The following RORA variants were observed in gnomAD, a reference collection of about 807,000 sequenced individuals.
RORA encodes nuclear receptor ROR-alpha.
A neutral mutation model predicts 69.5 loss-of-function variants in RORA; 7 were observed. The ratio of observed to expected loss-of-function variants is 0.10; its 90% CI spans 0.06 to 0.19. The LOEUF is 0.19. Ranked by LOEUF, RORA falls within the 10% of genes least tolerant of loss-of-function variation. RORA has a pLI of 1.00. For missense variants in RORA, 457 were observed against 663.0 expected (o/e 0.69, Z 3.41); for synonymous variants, 261 against 240.8 (o/e 1.08, Z -0.78).
intron 1 of RORA, among the ~76,000 whole-genome samples, chr15:60,753,426 G>C (rs1414414512): frequency 2.0e-5 from 3 of 152,228 alleles, no homozygotes; most frequent in Non-Finnish European, 4.4e-5. Context: ...GACGTGGTCA[G>C]CCCTAGGAGC....
chr15:60,562,226 C>A (rs542564509), intron 2 of RORA, among the ~76,000 whole-genome samples: 1 of 151,590 alleles, frequency 6.6e-6, no homozygotes, highest in Non-Finnish European at 1.5e-5. Context: ...TGAGCCACTG[C>A]GCCCTGCCAG....
intron 1 of RORA, among the ~76,000 whole-genome samples, chr15:60,951,632 C>G (rs1162855135): frequency 6.6e-6 from 1 of 151,320 alleles, no homozygotes; most frequent in African/African-American, 2.4e-5. Context: ...CACACAAATA[C>G]AAACTACCAT....
chr15:60,549,741 AC>A (rs1230059457), intron 2 of RORA, among the ~76,000 whole-genome samples: 3 of 151,862 alleles, frequency 2.0e-5, no homozygotes, highest in South Asian at 2.1e-4. Flanking sequence ...GTCACTCTCC[AC>A]CCCCTCCCAT....
intron 1 of RORA, among the ~76,000 whole-genome samples, chr15:60,788,869 T>A (rs961817216): frequency 1.3e-5 from 2 of 152,256 alleles, no homozygotes; most frequent in Non-Finnish European, 2.9e-5. Flanking sequence ...CGTCACTGTA[T>A]CTGCAGTCAG....
intron 1 of RORA, among the ~76,000 whole-genome samples, chr15:60,742,733 G>A (rs1380494093): frequency 6.6e-6 from 1 of 152,146 alleles, no homozygotes; most frequent in Non-Finnish European, 1.5e-5. Context: ...TGTAGTATTT[G>A]TCTTTCTGTG....
chr15:60,850,988 C>T (rs188015566), intron 1 of RORA, among the ~76,000 whole-genome samples: 142 of 152,234 alleles, frequency 9.3e-4, no homozygotes, highest in Middle Eastern at 3.4e-3. Flanking sequence ...CACAAAGCAC[C>T]GGAGCACATT....
At chr15:60,563,978 C>T (rs2067647854) in intron 2 of RORA, among the ~76,000 whole-genome samples, 1 of 152,172 alleles carries the variant, frequency 6.6e-6, no homozygotes, top group South Asian at 2.1e-4. Flanking sequence ...CTCTATTGTA[C>T]AGCCTTTCAT....
At chr15:61,075,765 C>A (rs2078439775) in intron 1 of RORA, among the ~76,000 whole-genome samples, 2 of 152,168 alleles carry the variant, frequency 1.3e-5, no homozygotes, top group African/African-American at 4.8e-5. Flanking sequence ...TCGCGTTATA[C>A]CACAGCTGCT....
intron 5 of RORA, among the ~76,000 whole-genome samples, chr15:60,507,638 G>A (rs1314147235): frequency 6.6e-6 from 1 of 152,122 alleles, no homozygotes; most frequent in Non-Finnish European, 1.5e-5. Flanking sequence ...CAAAAATAAT[G>A]GGGAGTAAGA....
intron 1 of RORA, among the ~76,000 whole-genome samples, chr15:60,929,589 G>A (rs913558408): frequency 1.5e-4 from 23 of 152,210 alleles, no homozygotes; most frequent in Non-Finnish European, 2.6e-4. Context: ...GCACTTAGCT[G>A]TCAGTCTGGA....
chr15:61,107,995 G>A (rs567670842), intron 1 of RORA, among the ~76,000 whole-genome samples: 2 of 152,178 alleles, frequency 1.3e-5, no homozygotes, highest in East Asian at 3.9e-4. Context: ...GGACTTCTCC[G>A]GATTTTAAAA....
intron 1 of RORA, among the ~76,000 whole-genome samples, chr15:60,965,422 T>C (rs978792050): frequency 6.6e-6 from 1 of 152,174 alleles, no homozygotes; most frequent in Non-Finnish European, 1.5e-5. Flanking sequence ...CAAATCCAAA[T>C]GTAGAATTAG....
intron 1 of RORA, among the ~76,000 whole-genome samples, chr15:61,140,939 C>T (rs922721257): frequency 6.6e-6 from 1 of 152,106 alleles, no homozygotes; most frequent in Non-Finnish European, 1.5e-5. Flanking sequence ...CTGTTGAAAA[C>T]CTTGACAAGC....
chr15:61,065,988 A>G (rs2078252038), intron 1 of RORA, among the ~76,000 whole-genome samples: 4 of 152,216 alleles, frequency 2.6e-5, no homozygotes. Flanking sequence ...AAAGCCAACA[A>G]CTGAATCCCA....
intron 1 of RORA, among the ~76,000 whole-genome samples, chr15:60,706,536 A>T (rs1366537488): frequency 6.6e-6 from 1 of 152,178 alleles, no homozygotes; most frequent in Non-Finnish European, 1.5e-5. Context: ...GAGATACACT[A>T]CAAGTCTACA....
At chr15:60,859,957 T>G (rs965942443) in intron 1 of RORA, among the ~76,000 whole-genome samples, 1 of 152,082 alleles carries the variant, frequency 6.6e-6, no homozygotes, top group Non-Finnish European at 1.5e-5. Context: ...GTGGCCTCTT[T>G]CCATGCACCT....
chr15:60,566,580 T>G (rs905349429), intron 2 of RORA, among the ~76,000 whole-genome samples: 1 of 152,208 alleles, frequency 6.6e-6, no homozygotes, highest in Admixed American at 6.5e-5. Context: ...CTCCAAGTCT[T>G]ACACATTACT....
At chr15:60,508,315 C>T (rs1021070813) in intron 5 of RORA, among the ~76,000 whole-genome samples, 8 of 152,112 alleles carry the variant, frequency 5.3e-5, no homozygotes, top group African/African-American at 1.7e-4. Context: ...GCCAGCGCCT[C>T]GATACTTCAG....
At chr15:61,193,557 T>C (rs577682265) in intron 1 of RORA, among the ~76,000 whole-genome samples, 2 of 152,340 alleles carry the variant, frequency 1.3e-5, no homozygotes, top group South Asian at 4.1e-4. Context: ...CTCCTTAAAC[T>C]TTCTAGTTAT....
Sources: allele counts gnomAD v4.1 joint callset (sites outside exome capture counted in the v4.1 genomes callset), GRCh38; gene constraint gnomAD v4.1.1; transcripts MANE v1.5; gene names NCBI Gene and HGNC (gene_info 2026-07-23, HGNC 2026-07-21).